TBCD: variants seen among roughly 807,000 people sequenced by gnomAD.
TBCD encodes tubulin folding cofactor D, also known as tubulin-specific chaperone D.
TBCD carries 105 observed loss-of-function variants against 169.3 expected under a neutral mutation model. That is an observed-to-expected ratio of 0.62 (90% CI 0.53 to 0.73). The LOEUF is 0.73. Among genes scored for constraint, TBCD ranks in the 30% least tolerant of loss-of-function variants. The pLI is 0.00. For missense variants in TBCD, 1,444 were observed against 1,600.1 expected (o/e 0.90, Z 1.66); for synonymous variants, 700 against 643.9 (o/e 1.09, Z -1.32).
chr17:82,882,978 C>G (rs12938428), intron 14 of TBCD, among the ~76,000 whole-genome samples: 38,636 of 152,024 alleles, frequency 0.25, 4,904 homozygotes, highest in Middle Eastern at 0.32. Context: ...CGGTGCCCGC[C>G]CTACCGGGCT....
intron 2 of TBCD, among the ~76,000 whole-genome samples, chr17:82,759,362 TC>T (rs2047626112): frequency 6.6e-6 from 1 of 151,968 alleles, no homozygotes; most frequent in Non-Finnish European, 1.5e-5. Context: ...ATGCCTGTAA[TC>T]CCAGCTACTT....
At position 82,832,909 on chromosome 17, in the gene TBCD, G is replaced by C. The variant is rs755626452; in HGVS notation, c.1318+17975G>C. On this transcript the variant is annotated intron_variant, in intron 13 of 38. Transcript: ENST00000355528. The surrounding 1 kb of genome is among the most constrained non-coding windows in gnomAD (Gnocchi z 4.9). ...AGAGGTGGAGTGTGGTGTGTGGTGC[G>C]TTGAGTGTCTGTTCTGAGAATGCCT... is the stretch of plus-strand genomic sequence containing the variant. 6.6e-6 allele frequency among the ~76,000 whole-genome samples: 1 copy of C among 152,178 alleles called. No individual in the cohort carries two copies. The highest frequency in any genetic ancestry group is 2.4e-5 in the African/African-American group (1 of 41,432).
At position 82,924,950 on chromosome 17, in the gene TBCD, A is replaced by T; in HGVS notation, c.2272A>T (p.Thr758Ser). ...ADPAIQEELI[T>S]QYLAELRNPE... ...TTGCTTCCTTTCAGAGGAGCTGATCACGCAGTACCTGGCTGAGCTTCGGAA... is the reference window on the plus strand; with the variant it reads ...TTGCTTCCTTTCAGAGGAGCTGATCTCGCAGTACCTGGCTGAGCTTCGGAA... Residue 758 changes from threonine (T) to serine (S), a missense_variant, in exon 27 of 39, where the codon ACG (threonine) becomes TCG (serine). Transcript: ENST00000355528. The T allele has an allele frequency of 6.4e-7, 1 of 1,564,084 alleles. No individual in the cohort carries two copies. Among genetic ancestry groups the T allele is most frequent in the Non-Finnish European group, 8.7e-7 (1 of 1,153,250 alleles).
chr17:82,783,038 G>A (rs1411750402), intron 7 of TBCD, among the ~76,000 whole-genome samples: 3 of 151,972 alleles, frequency 2.0e-5, no homozygotes, highest in Non-Finnish European at 4.4e-5. Flanking sequence ...TCCTGCCCGC[G>A]GTTTTGTCCT....
chr17:82,870,081 C>T, intron 13 of TBCD, 143 bp from the exon 14 acceptor site: 1 of 1,125,366 alleles, frequency 8.9e-7, no homozygotes, highest in Non-Finnish European at 1.3e-6. Context: ...AGCCCCGAAC[C>T]TCTGGGTGGG....
At chr17:82,775,399 C>CT (rs946496753) in intron 6 of TBCD, among the ~76,000 whole-genome samples, 6 of 152,206 alleles carry the variant, frequency 3.9e-5, no homozygotes, top group African/African-American at 1.4e-4. Context: ...ACCGCAGGTT[C>CT]TGAGTTTCCT....
chr17:82,919,576 A>C (rs1409270695), intron 23 of TBCD, among the ~76,000 whole-genome samples: 1 of 152,098 alleles, frequency 6.6e-6, no homozygotes, highest in African/African-American at 2.4e-5. Flanking sequence ...GAGCAGACTC[A>C]CGTGGCCGTG....
chr17:82,800,145 G>T lies in TBCD; in HGVS notation c.818-719G>T, dbSNP rs553795839. ...TCCTGTCCCCTGTCAGTTGGTTGCA[G>T]TCTTGTCCATTTCACTTCCAGCCCA... On this transcript the variant is annotated intron_variant, in intron 8 of 38. Transcript: ENST00000355528. Among the ~76,000 whole-genome samples the T allele has an allele frequency of 9.3e-4, 141 of 151,744 alleles. 1 individual carries two copies. Among genetic ancestry groups the T allele is most frequent in the African/African-American group, 3.4e-3 (138 of 41,112 alleles).
intron 13 of TBCD, among the ~76,000 whole-genome samples, chr17:82,847,246 G>A (rs558354135): frequency 2.6e-5 from 4 of 151,864 alleles, no homozygotes; most frequent in African/African-American, 7.2e-5. Flanking sequence ...CCAACTACTC[G>A]GGAGGCTGAG....
Position 82,772,465 on chromosome 17 carries a change from T to C in TBCD, c.596T>C (p.Val199Ala). The change falls in exon 6 of 39, where the codon GTC becomes GCC. Residue 199 changes from valine to alanine, a missense_variant. Coordinates refer to ENST00000355528, the MANE Select transcript of TBCD (RefSeq NM_005993.5). ...CCTTTCTTGCAGTCCTACTTGATTGTCAGTGACAAGGCCCGAGATGCAGCT... is the reference window on the plus strand; with the variant it reads ...CCTTTCTTGCAGTCCTACTTGATTGCCAGTGACAAGGCCCGAGATGCAGCT... ...ILQIAESYLI[V>A]SDKARDAAAV... 1 of 1,613,930 alleles carries C rather than the reference T, an allele frequency of 6.2e-7. No individual in the cohort carries two copies. The highest frequency in any genetic ancestry group is 1.3e-5 in the African/African-American group (1 of 75,016).
chr17:82,940,221 G>GCACACACACACACACACACACACACA lies in TBCD; in HGVS notation c.3479+770_3479+771insACACACACACACACACACACACACAC, dbSNP rs71168175. ...CACACACATGCTCACTTGCACGCGC[G>GCACACACACACACACACACACACACA]CACACACACACACACACACACACAC... On this transcript the variant is annotated intron_variant, in intron 37 of 38. Coordinates refer to ENST00000355528, the MANE Select transcript of TBCD (RefSeq NM_005993.5). 4.6e-5 allele frequency among the ~76,000 whole-genome samples: 6 copies of GCACACACACACACACACACACACACA among 131,808 alleles called. No homozygotes were observed. The East Asian group carries it at 6.8e-4, about 15-fold the overall frequency. 86.5% of individuals were successfully genotyped at this position (131,808 alleles called of 152,430 possible).
Position 82,915,703 on chromosome 17 carries a change from A to G in TBCD, c.2038+3914A>G, listed in dbSNP as rs1376290783. ...ATCACCGAGGGCAGGGGCCGGGAGG[A>G]AGGGGGTCATCTGGCTCACAGCCTT... On this transcript the variant is annotated intron_variant, in intron 23 of 38. Transcript: ENST00000355528. This position sits in a 1 kb window ranked among gnomAD's most constrained non-coding sequence, Gnocchi z 4.3. Among the ~76,000 whole-genome samples the G allele has an allele frequency of 6.6e-6, 1 of 151,878 alleles. No individual in the cohort carries two copies. Among genetic ancestry groups the G allele is most frequent in the Non-Finnish European group, 1.5e-5 (1 of 67,956 alleles).
intron 13 of TBCD, chr17:82,858,475 TG>T: frequency 1.5e-6 from 1 of 647,084 alleles, no homozygotes; most frequent in South Asian, 7.0e-5. Flanking sequence ...AAATGCAGGT[TG>T]GCCAGTCTGG....
At position 82,929,268 on chromosome 17, in the gene TBCD, C is replaced by T. The variant is rs757402099; in HGVS notation, c.2849C>T (p.Pro950Leu). 6.8e-6 allele frequency: 11 copies of T among 1,613,710 alleles called. No individual in the cohort carries two copies. The highest frequency in any genetic ancestry group is 9.3e-6 in the Non-Finnish European group (11 of 1,179,726). ...PHRGELEKLF[P>L]RSDVASVNWS... ...CGAGGAGAACTGGAAAAGCTGTTTC[C>T]CAGGTACTGTCGGGGTGTAGGCCCC... The change falls in exon 31 of 39, where the codon CCC becomes CTC. Residue 950 changes from proline to leucine, a missense_variant. Transcript: ENST00000355528.
In TBCD at chr17:82,922,818, G is replaced by A. The variant is rs1316126759; in HGVS notation, c.2179-834G>A. On this transcript the variant is annotated intron_variant, in intron 25 of 38. Coordinates refer to ENST00000355528, the MANE Select transcript of TBCD (RefSeq NM_005993.5). This position sits in a 1 kb window ranked among gnomAD's most constrained non-coding sequence, Gnocchi z 4.1. ...CTCGGCTCCTGGGCTTCGGGGGAGC[G>A]GTGGAAAGAACACGTGGGTTTGGTG... is the stretch of plus-strand genomic sequence containing the variant. Among the ~76,000 whole-genome samples the A allele has an allele frequency of 5.9e-5, 9 of 152,220 alleles. No individual in the cohort carries two copies. Among genetic ancestry groups the A allele is most frequent in the Non-Finnish European group, 1.2e-4 (8 of 68,038 alleles).
Position 82,932,848 on chromosome 17 carries a change from C to T in TBCD, c.3191+113C>T, listed in dbSNP as rs193286980. On this transcript the variant is annotated intron_variant, in intron 34 of 38. Coordinates refer to ENST00000355528, the MANE Select transcript of TBCD (RefSeq NM_005993.5). ...AATTCCAGGAAATGATCTTCCAGTG[C>T]GTTCTGGGTCAGTTATGGTGACTGT... is the stretch of plus-strand genomic sequence containing the variant. The T allele has an allele frequency of 1.6e-4, 171 of 1,044,544 alleles. No individual in the cohort carries two copies. The Middle Eastern group carries it at 4.1e-3, about 25-fold the overall frequency. The allele number at this position is 1,044,544 out of a possible 1,614,324, so 64.7% of individuals were successfully genotyped here.
At chr17:82,885,690 G>A (rs772634751) in intron 15 of TBCD, among the ~76,000 whole-genome samples, 1 of 152,068 alleles carries the variant, frequency 6.6e-6, no homozygotes, top group East Asian at 1.9e-4. Flanking sequence ...GACATTTCAT[G>A]GGAAGCAGTA....
At position 82,922,385 on chromosome 17, in the gene TBCD, C is replaced by CA. The variant is rs869120923; in HGVS notation, c.2178+816dup. On this transcript the variant is annotated intron_variant, in intron 25 of 38. Coordinates refer to ENST00000355528, the MANE Select transcript of TBCD (RefSeq NM_005993.5). The surrounding 1 kb of genome is among the most constrained non-coding windows in gnomAD (Gnocchi z 4.1). The stretch of plus-strand genomic sequence containing the variant: ...TCAAAAACAAAAACAAAAACAAAAA[C>CA]AAAAAAAACCATGGTTACCAACGTT... 2.2e-5 allele frequency among the ~76,000 whole-genome samples: 3 copies of CA among 133,402 alleles called. No individual in the cohort carries two copies. The highest frequency in any genetic ancestry group is 2.3e-4 in the South Asian group (1 of 4,362). 87.5% of individuals were successfully genotyped at this position (133,402 alleles called of 152,430 possible).
At chr17:82,809,383 G>A (rs953739514) in intron 11 of TBCD, among the ~76,000 whole-genome samples, 3 of 152,160 alleles carry the variant, frequency 2.0e-5, no homozygotes, top group African/African-American at 7.2e-5. Flanking sequence ...GAGGGTCAGG[G>A]TGAAGCCCTC....
Sources: gnomAD v4.1 joint callset for allele counts (sites outside exome capture counted in the v4.1 genomes callset) on GRCh38, gnomAD v4.1.1 for gene constraint, Gnocchi (gnomAD v3.1) non-coding constraint, MANE v1.5 for transcripts, NCBI Gene and HGNC (gene_info 2026-07-23, HGNC 2026-07-21) for gene names.